SLC35E1: variants seen among roughly 807,000 people sequenced by gnomAD.
SLC35E1 encodes solute carrier family 35, member E1.
A neutral mutation model predicts 31.0 loss-of-function variants in SLC35E1; 12 were observed. The observed-to-expected ratio is 0.39, with a 90% CI of 0.25 to 0.63. The LOEUF is 0.63. Ranked by LOEUF, SLC35E1 falls within the 20% of genes least tolerant of loss-of-function variation. The pLI, the probability that SLC35E1 is intolerant of heterozygous loss-of-function variation, is 0.52. For synonymous variants in SLC35E1, 257 were observed against 264.1 expected (o/e 0.97, Z 0.26); for missense variants, 429 against 572.2 (o/e 0.75, Z 2.55).
intron 4 of SLC35E1, among the ~76,000 whole-genome samples, chr19:16,559,578 G>C (rs1209007157): frequency 6.6e-6 from 1 of 152,010 alleles, no homozygotes; most frequent in East Asian, 1.9e-4. Context: ...ACTGAGCCCA[G>C]AGAGGTTGAG....
chr19:16,565,303 T>C lies in SLC35E1; in HGVS notation c.756+1229A>G, dbSNP rs1429756339. 1.4e-5 allele frequency: 5 copies of C among 347,924 alleles called. No homozygotes were observed. In the Admixed American group the frequency reaches 2.0e-4, roughly 14 times the overall value. The allele number at this position is 347,924 out of a possible 1,614,324, so 21.6% of individuals were successfully genotyped here. ...TCGGCTCACTGCAAACTCTGCCTCC[T>C]GGGTTCAAGCGATTCTCCCACCTCA... On this transcript the variant is annotated intron_variant, in intron 4 of 5. Transcript: ENST00000595753.
chr19:16,559,488 A>ACACACACACACACG (rs1296540778), intron 4 of SLC35E1, among the ~76,000 whole-genome samples: 15 of 151,560 alleles, frequency 9.9e-5, no homozygotes, highest in Non-Finnish European at 1.6e-4. Context: ...ACACACACAC[A>ACACACACACACACG]CACACACACA....
At chr19:16,554,610 C>T (rs1480255070) in intron 5 of SLC35E1, among the ~76,000 whole-genome samples, 1 of 152,104 alleles carries the variant, frequency 6.6e-6, no homozygotes, top group East Asian at 1.9e-4. Flanking sequence ...CAACTGAGGT[C>T]AGGAGTTGGA....
intron 5 of SLC35E1, among the ~76,000 whole-genome samples, chr19:16,554,822 A>C (rs1290475465): frequency 6.8e-6 from 1 of 147,144 alleles, no homozygotes; most frequent in Admixed American, 6.8e-5. Context: ...TCCATCTCGA[A>C]AAAAAAAAAA....
chr19:16,556,925 G>C (rs1324190923), intron 4 of SLC35E1: 1 of 471,490 alleles, frequency 2.1e-6, no homozygotes. Flanking sequence ...CCATTTACCT[G>C]TGCCATACAC....
intron 4 of SLC35E1, chr19:16,565,459 C>T (rs1301389446): frequency 4.7e-6 from 1 of 213,042 alleles, no homozygotes; most frequent in East Asian, 1.3e-4. Flanking sequence ...ATTCACACAC[C>T]TTGGCCTCCC....
intron 4 of SLC35E1, among the ~76,000 whole-genome samples, chr19:16,559,580 G>A (rs1452305268): frequency 5.3e-5 from 8 of 152,080 alleles, no homozygotes; most frequent in South Asian, 2.1e-4. Context: ...TGAGCCCAGA[G>A]AGGTTGAGGT....
intron 1 of SLC35E1, 82 bp downstream of exon 1, chr19:16,571,862 C>T (rs926212717): frequency 7.2e-7 from 1 of 1,394,014 alleles, no homozygotes; most frequent in African/African-American, 1.5e-5. Context: ...GGACGCGCCC[C>T]GGGCGGCGCA....
At chr19:16,571,761 C>T (rs1366530299) in intron 1 of SLC35E1, among the ~76,000 whole-genome samples, 179 bp from the exon 2 acceptor site, 5 of 152,236 alleles carry the variant, frequency 3.3e-5, no homozygotes, top group Non-Finnish European at 5.9e-5. Context: ...TCTCAGCTCT[C>T]TTCTCAGCTC....
chr19:16,560,500 T>G (rs902635870), intron 4 of SLC35E1, among the ~76,000 whole-genome samples: 1 of 152,088 alleles, frequency 6.6e-6, no homozygotes, highest in Non-Finnish European at 1.5e-5. Context: ...CTGCTGCTGC[T>G]GCCACCAACG....
chr19:16,560,996 G>A (rs1487337893), intron 4 of SLC35E1, among the ~76,000 whole-genome samples: 2 of 149,080 alleles, frequency 1.3e-5, no homozygotes, highest in Non-Finnish European at 3.0e-5. Flanking sequence ...GAGGTCGGGA[G>A]TTCAAGACCA....
At chr19:16,559,697 A>G (rs1007918155) in intron 4 of SLC35E1, among the ~76,000 whole-genome samples, 9 of 152,132 alleles carry the variant, frequency 5.9e-5, no homozygotes, top group Non-Finnish European at 1.0e-4. Context: ...TCTATCTTCT[A>G]TCTGTTCACA....
intron 4 of SLC35E1, chr19:16,565,109 T>A (rs1342688745): frequency 2.2e-6 from 1 of 456,590 alleles, no homozygotes; most frequent in African/African-American, 2.0e-5. Context: ...CATTCATTTA[T>A]AACACATTCT....
chr19:16,565,270 G>T lies in SLC35E1; in HGVS notation c.756+1262C>A. ...TTGTTGCCCAGGCTGGAGTGCAGTG[G>T]TGCGATCTCGGCTCACTGCAAACTC... On this transcript the variant is annotated intron_variant, in intron 4 of 5. Transcript: ENST00000595753. 7.9e-6 allele frequency: 3 copies of T among 377,484 alleles called. No homozygotes were observed. The Admixed American group carries it at 1.0e-4, about 13-fold the overall frequency. The allele number at this position is 377,484 out of a possible 1,614,324, so 23.4% of individuals were successfully genotyped here. A position where few individuals can be genotyped will look rare whatever the true frequency, so the allele number is the denominator to read the frequency against.
intron 5 of SLC35E1, among the ~76,000 whole-genome samples, chr19:16,554,305 G>A (rs1037308114): frequency 4.0e-5 from 6 of 149,724 alleles, no homozygotes; most frequent in South Asian, 2.1e-4. Context: ...GTTAACCTCC[G>A]GGGCCGGCAT....
intron 4 of SLC35E1, among the ~76,000 whole-genome samples, chr19:16,561,786 A>C (rs2085907686): frequency 1.3e-5 from 2 of 152,194 alleles, no homozygotes; most frequent in Non-Finnish European, 2.9e-5. Context: ...ACACAAGACA[A>C]AGAGGGGGAA....
Position 16,553,600 on chromosome 19 carries a change from A to C in SLC35E1, c.*79T>G. 7.7e-7 allele frequency: 1 copy of C among 1,306,846 alleles called. No homozygotes were observed. Among genetic ancestry groups the C allele is most frequent in the Non-Finnish European group, 1.0e-6 (1 of 969,254 alleles). The allele number at this position is 1,306,846 out of a possible 1,614,324, so 81.0% of individuals were successfully genotyped here. The stretch of plus-strand genomic sequence containing the variant: ...GTCCCCTCGGCTGGGTTGTACATTC[A>C]CTGATTGTCAGAAGTTTCTGATACT... On this transcript the variant is annotated 3_prime_UTR_variant, in exon 6 of 6. Transcript: ENST00000595753.
intron 2 of SLC35E1, among the ~76,000 whole-genome samples, chr19:16,568,720 A>G (rs1478713224): frequency 6.6e-6 from 1 of 152,058 alleles, no homozygotes; most frequent in Non-Finnish European, 1.5e-5. Flanking sequence ...TTTAGTAGAG[A>G]CAGGATTTCG....
At chr19:16,571,891 A>G in intron 1 of SLC35E1, 53 bp downstream of exon 1, 2 of 1,515,232 alleles carry the variant, frequency 1.3e-6, no homozygotes, top group Admixed American at 2.2e-5. Flanking sequence ...CATGCGCCCA[A>G]ACCCGAAGCG....
Sources: gnomAD v4.1 joint callset for allele counts (sites outside exome capture counted in the v4.1 genomes callset) on GRCh38, gnomAD v4.1.1 for gene constraint, MANE v1.5 for transcripts, NCBI Gene and HGNC (gene_info 2026-07-23, HGNC 2026-07-21) for gene names.